CYRIA: variants seen among roughly 807,000 people sequenced by gnomAD.
CYRIA encodes CYFIP-related Rac1 interactor A.
A neutral mutation model predicts 43.9 loss-of-function variants in CYRIA; 15 were observed. That is an observed-to-expected ratio of 0.34 (90% CI 0.23 to 0.53). The LOEUF (loss-of-function observed/expected upper bound fraction) is 0.53. Among genes scored for constraint, CYRIA ranks in the 20% least tolerant of loss-of-function variants. The probability of loss-of-function intolerance (pLI) is 0.94; values close to 1 mark genes in which losing one functional copy is unlikely to be tolerated. For synonymous variants in CYRIA, 117 were observed against 136.0 expected (o/e 0.86, Z 0.97); for missense variants, 236 against 394.2 (o/e 0.60, Z 3.40).
At chr2:16,592,788 G>GT (rs1667973515) in intron 2 of CYRIA, among the ~76,000 whole-genome samples, 1 of 151,520 alleles carries the variant, frequency 6.6e-6, no homozygotes, top group Non-Finnish European at 1.5e-5. Context: ...CTTTTTCCTT[G>GT]TTTTTCAATC....
chr2:16,637,820 A>T (rs1256900977), intron 1 of CYRIA, among the ~76,000 whole-genome samples: 2 of 152,200 alleles, frequency 1.3e-5, no homozygotes, highest in African/African-American at 4.8e-5. Context: ...CATTTTACTG[A>T]TGCAGAGACA....
At chr2:16,659,593 T>C (rs1000965034) in intron 1 of CYRIA, among the ~76,000 whole-genome samples, 1 of 152,134 alleles carries the variant, frequency 6.6e-6, no homozygotes, top group African/African-American at 2.4e-5. Context: ...CCACTTGCTC[T>C]TGCCCCAACC....
rs566135552 is a variant in CYRIA, at chr2:16,571,642, C to T, written c.71-5875G>A. 5.3e-5 allele frequency among the ~76,000 whole-genome samples: 8 copies of T among 152,290 alleles called. No individual in the cohort carries two copies. In the East Asian group the frequency reaches 1.4e-3, roughly 26 times the overall value. ...GAAAACACCATTTACATAGAGATGT[C>T]TTTGGTTTTGAAAGATGCCCTGGCA... On this transcript the variant is annotated intron_variant, in intron 3 of 11. Coordinates refer to ENST00000381323, the MANE Select transcript of CYRIA (RefSeq NM_030797.4).
At chr2:16,584,639 C>A (rs981569749) in intron 3 of CYRIA, among the ~76,000 whole-genome samples, 2 of 152,224 alleles carry the variant, frequency 1.3e-5, no homozygotes, top group African/African-American at 4.8e-5. Flanking sequence ...TGGTCTAACC[C>A]AAGCCAGCCT....
intron 1 of CYRIA, among the ~76,000 whole-genome samples, chr2:16,637,180 C>T (rs947454584): frequency 1.3e-5 from 2 of 152,122 alleles, no homozygotes; most frequent in African/African-American, 4.8e-5. Flanking sequence ...TCTTTGATTG[C>T]AGTGCTCATC....
intron 2 of CYRIA, among the ~76,000 whole-genome samples, chr2:16,593,706 TTGTG>T (rs1369113189): frequency 2.1e-5 from 2 of 97,008 alleles, no homozygotes; most frequent in African/African-American, 6.0e-5. Flanking sequence ...GTGTTTTTTT[TTGTG>T]TGTGTGTGTT....
intron 4 of CYRIA, among the ~76,000 whole-genome samples, chr2:16,565,444 C>T (rs564610965): frequency 1.5e-4 from 23 of 152,274 alleles, no homozygotes; most frequent in Middle Eastern, 3.4e-3. Context: ...CCTCAGCCTC[C>T]CAAAGTACTG....
chr2:16,627,031 C>T (rs975865640), intron 1 of CYRIA, among the ~76,000 whole-genome samples: 5 of 152,182 alleles, frequency 3.3e-5, no homozygotes, highest in African/African-American at 1.2e-4. Context: ...TCCAGAGTCT[C>T]AAAACAGAAC....
At chr2:16,579,606 T>C (rs1169166192) in intron 3 of CYRIA, among the ~76,000 whole-genome samples, 1 of 152,184 alleles carries the variant, frequency 6.6e-6, no homozygotes, top group African/African-American at 2.4e-5. Flanking sequence ...TTAATTTCTT[T>C]ACTATGTAAA....
chr2:16,647,306 G>C (rs1669847883), intron 1 of CYRIA, among the ~76,000 whole-genome samples: 2 of 152,114 alleles, frequency 1.3e-5, no homozygotes, highest in African/African-American at 4.8e-5. Flanking sequence ...AAATAAACAA[G>C]TATATTCAAA....
intron 3 of CYRIA, among the ~76,000 whole-genome samples, chr2:16,581,225 A>C (rs1667538340): frequency 6.6e-6 from 1 of 152,252 alleles, no homozygotes; most frequent in South Asian, 2.1e-4. Flanking sequence ...TACAAAGTAC[A>C]ATAAAGAATT....
At chr2:16,649,870 G>A (rs1046829223) in intron 1 of CYRIA, among the ~76,000 whole-genome samples, 13 of 152,186 alleles carry the variant, frequency 8.5e-5, no homozygotes, top group African/African-American at 3.1e-4. Flanking sequence ...CCCTCCCTGG[G>A]AGGAGGTTAC....
intron 3 of CYRIA, among the ~76,000 whole-genome samples, chr2:16,567,051 C>T (rs1666958819): frequency 6.6e-6 from 1 of 152,062 alleles, no homozygotes; most frequent in African/African-American, 2.4e-5. Flanking sequence ...AACTAATCTT[C>T]GTGGGAGTAC....
chr2:16,557,629 A>G (rs1043092721), intron 10 of CYRIA, among the ~76,000 whole-genome samples: 59 of 152,314 alleles, frequency 3.9e-4, no homozygotes, highest in African/African-American at 1.3e-3. Flanking sequence ...ATCCATATGA[A>G]CAAACCTTAC....
chr2:16,633,748 G>A (rs1669408532), intron 1 of CYRIA, among the ~76,000 whole-genome samples: 1 of 151,842 alleles, frequency 6.6e-6, no homozygotes, highest in African/African-American at 2.4e-5. Flanking sequence ...TTGGGCTGTG[G>A]CCCTGTCCTC....
intron 1 of CYRIA, among the ~76,000 whole-genome samples, chr2:16,629,140 T>C (rs916426639): frequency 1.3e-5 from 2 of 152,172 alleles, no homozygotes; most frequent in Admixed American, 6.5e-5. Flanking sequence ...CTACTGGACC[T>C]GCTGGAGAAA....
chr2:16,555,035 G>C, intron 11 of CYRIA, 34 bp downstream of exon 11: 1 of 1,588,448 alleles, frequency 6.3e-7, no homozygotes, highest in Non-Finnish European at 8.6e-7. Context: ...AAGGCTGGCT[G>C]TTCCCTGTGA....
intron 1 of CYRIA, among the ~76,000 whole-genome samples, chr2:16,636,641 C>T (rs1326407798): frequency 3.3e-5 from 5 of 152,128 alleles, no homozygotes; most frequent in Non-Finnish European, 5.9e-5. Flanking sequence ...GGTCTCTACA[C>T]TCCCTCTGCA....
chr2:16,659,567 G>A (rs1050316415), intron 1 of CYRIA, among the ~76,000 whole-genome samples: 1 of 152,124 alleles, frequency 6.6e-6, no homozygotes, highest in Non-Finnish European at 1.5e-5. Flanking sequence ...CAAGACCCCG[G>A]GTCTTCTTGG....
Sources: allele counts gnomAD v4.1 joint callset (sites outside exome capture counted in the v4.1 genomes callset), GRCh38; gene constraint gnomAD v4.1.1; transcripts MANE v1.5; gene names NCBI Gene and HGNC (gene_info 2026-07-23, HGNC 2026-07-21).